The following KIAA1958 variants were observed in gnomAD, a reference collection of about 807,000 sequenced individuals.
KIAA1958 encodes KIAA1958.
In KIAA1958, 14 loss-of-function variants were observed where a neutral mutation model predicts 47.2. The observed-to-expected ratio is 0.30, with a 90% CI of 0.20 to 0.46. The LOEUF is 0.46. KIAA1958 is among the 20% of genes least tolerant of loss of function. The probability of loss-of-function intolerance (pLI) is 1.00; values close to 1 mark genes in which losing one functional copy is unlikely to be tolerated. For synonymous variants in KIAA1958, 354 were observed against 353.3 expected, an observed-to-expected ratio of 1.00 and a Z score of -0.02; for missense variants, 803 against 909.2, an observed-to-expected ratio of 0.88 and a Z score of 1.50.
chr9:112,541,729 CG>C (rs1338621600), intron 1 of KIAA1958, among the ~76,000 whole-genome samples: 2 of 152,012 alleles, frequency 1.3e-5, no homozygotes, highest in Non-Finnish European at 2.9e-5. Flanking sequence ...TGCTTGAACC[CG>C]GGAGGCAGAG....
Position 112,618,860 on chromosome 9 carries a change from A to G in KIAA1958, c.1172-26790A>G, listed in dbSNP as rs1275370359. 1 of 1,549,240 alleles carries G rather than the reference A, an allele frequency of 6.5e-7. No homozygotes were observed. Among genetic ancestry groups the G allele is most frequent in the Non-Finnish European group, 8.7e-7 (1 of 1,145,910 alleles). On this transcript the variant is annotated intron_variant, in intron 2 of 3. Coordinates refer to ENST00000337530, the MANE Select transcript of KIAA1958 (RefSeq NM_133465.4). The surrounding 1 kb of genome is among the most constrained non-coding windows in gnomAD (Gnocchi z 7.1). ...TGCCCAGTCAGTGGCCGGCCACTCCAACAATGGCAATTTCATCGTCTCCGC... is the reference window on the plus strand; with the variant it reads ...TGCCCAGTCAGTGGCCGGCCACTCCGACAATGGCAATTTCATCGTCTCCGC...
At chr9:112,591,152 C>T (rs190283837) in intron 2 of KIAA1958, among the ~76,000 whole-genome samples, 23 of 152,222 alleles carry the variant, frequency 1.5e-4, no homozygotes, top group African/African-American at 5.3e-4. Context: ...GGTGCCACCT[C>T]GGCTCACTGC....
chr9:112,613,158 C>G (rs1207409704), intron 2 of KIAA1958, among the ~76,000 whole-genome samples: 2 of 152,142 alleles, frequency 1.3e-5, no homozygotes, highest in African/African-American at 4.8e-5. Context: ...GAGCAGGTGC[C>G]TTACTTTTAC....
At position 112,574,509 on chromosome 9, in the gene KIAA1958, C is replaced by G. The variant is rs780863034; in HGVS notation, c.429C>G (p.Thr143=). ...TTGAAGAATATGAAGATGAGAACAC[C>G]CTGTTTGACATGGTTTGTGAGTCTT... ...ETVEEYEDEN[T]LFDMVCESSV... Residue 143 remains threonine, a synonymous_variant, in exon 2 of 4, where the codon ACC becomes ACG. Coordinates refer to ENST00000337530, the MANE Select transcript of KIAA1958 (RefSeq NM_133465.4). The G allele has an allele frequency of 1.3e-5, 21 of 1,614,026 alleles. No homozygotes were observed. The highest frequency in any genetic ancestry group is 1.8e-5 in the Non-Finnish European group (21 of 1,180,000).
At chr9:112,491,683 A>G (rs1459030859) in intron 1 of KIAA1958, among the ~76,000 whole-genome samples, 1 of 152,020 alleles carries the variant, frequency 6.6e-6, no homozygotes, top group Admixed American at 6.6e-5. Context: ...CAAGGATTTC[A>G]TTAGCTGAAC....
rs1035640297 is a variant in KIAA1958 at position 112,663,350 on chromosome 9, G to A, written c.*3281G>A. ...GTGTGATTCAATTGAATATAGTTTA[G>A]TGCGGTACCAGGCACATCATAAGCA... On this transcript the variant is annotated 3_prime_UTR_variant, in exon 4 of 4. Coordinates refer to ENST00000337530, the MANE Select transcript of KIAA1958 (RefSeq NM_133465.4). 1 of 152,106 alleles carries A rather than the reference G, an allele frequency of 6.6e-6. No individual in the cohort carries two copies. Among genetic ancestry groups the A allele is most frequent in the Non-Finnish European group, 1.5e-5 (1 of 68,030 alleles). The allele number at this position is 152,106 out of a possible 1,614,324, so 9.4% of individuals were successfully genotyped here. A position where few individuals can be genotyped will look rare whatever the true frequency, so the allele number is the denominator to read the frequency against.
At chr9:112,552,145 G>A (rs925528418) in intron 1 of KIAA1958, among the ~76,000 whole-genome samples, 1 of 152,158 alleles carries the variant, frequency 6.6e-6, no homozygotes, top group South Asian at 2.1e-4. Flanking sequence ...TCTGGACCAC[G>A]AGGATCCCTG....
intron 2 of KIAA1958, among the ~76,000 whole-genome samples, chr9:112,633,137 G>A (rs1033400709): frequency 6.7e-6 from 1 of 150,004 alleles, no homozygotes; most frequent in Non-Finnish European, 1.5e-5. Context: ...TGATCTATTT[G>A]TCTATTTCTT....
intron 1 of KIAA1958, among the ~76,000 whole-genome samples, chr9:112,559,148 A>G (rs760668843): frequency 1.3e-5 from 2 of 152,194 alleles, no homozygotes; most frequent in Admixed American, 1.3e-4. Flanking sequence ...CTACGTAGAC[A>G]TGTGAAGGAT....
chr9:112,618,188 G>A lies in KIAA1958; in HGVS notation c.1172-27462G>A. On this transcript the variant is annotated intron_variant, in intron 2 of 3. Coordinates refer to ENST00000337530, the MANE Select transcript of KIAA1958 (RefSeq NM_133465.4). The surrounding 1 kb of genome is among the most constrained non-coding windows in gnomAD (Gnocchi z 7.1). Reference sequence around the variant, plus strand: ...TAAGGAATTCAAGCGTTCCCAAGAGGCCCTGAAGCAGAAGCAAATTGAACT... The same window carrying A: ...TAAGGAATTCAAGCGTTCCCAAGAGACCCTGAAGCAGAAGCAAATTGAACT... The A allele has an allele frequency of 1.9e-6, 3 of 1,550,586 alleles. No homozygotes were observed. Among genetic ancestry groups the A allele is most frequent in the Non-Finnish European group, 8.7e-7 (1 of 1,147,004 alleles).
chr9:112,619,889 A>T (rs1836471390), intron 2 of KIAA1958, among the ~76,000 whole-genome samples: 2 of 152,196 alleles, frequency 1.3e-5, no homozygotes, highest in South Asian at 2.1e-4. Flanking sequence ...CAAAGTTCAT[A>T]TTCCCTGAAT....
chr9:112,571,804 TAAATAAAAACAAA>T (rs1000555685), intron 1 of KIAA1958, among the ~76,000 whole-genome samples: 2 of 125,078 alleles, frequency 1.6e-5, no homozygotes, highest in Non-Finnish European at 3.5e-5. Context: ...AATAAATAAA[TAAATAAAAACAAA>T]AAATAAAAAT....
At chr9:112,519,872 G>T (rs554309671) in intron 1 of KIAA1958, among the ~76,000 whole-genome samples, 8 of 152,224 alleles carry the variant, frequency 5.3e-5, no homozygotes, top group African/African-American at 1.9e-4. Context: ...TGTAATTGTT[G>T]TATTATTATA....
chr9:112,542,328 A>G (rs1220723403), intron 1 of KIAA1958, among the ~76,000 whole-genome samples: 2 of 152,330 alleles, frequency 1.3e-5, no homozygotes, highest in East Asian at 3.9e-4. Context: ...GAATATATTC[A>G]TGTTCATTAA....
rs78128242 is a variant in KIAA1958 at position 112,550,066 on chromosome 9, A to G, written c.-24-23991A>G. Among the ~76,000 whole-genome samples, 789 of 150,992 alleles carry G rather than the reference A, an allele frequency of 5.2e-3. 15 individuals carry two copies. The highest frequency in any genetic ancestry group is 0.018 in the African/African-American group (710 of 40,352). The stretch of plus-strand genomic sequence containing the variant: ...CTGAGTTTAATGTGGCTGGAGCTCA[A>G]TGTTTGAATGGGAAGGAATTAGGCT... On this transcript the variant is annotated intron_variant, in intron 1 of 3. Coordinates refer to ENST00000337530, the MANE Select transcript of KIAA1958 (RefSeq NM_133465.4).
intron 2 of KIAA1958, among the ~76,000 whole-genome samples, chr9:112,638,826 TTTGA>T (rs796333741): frequency 9.8e-5 from 15 of 152,324 alleles, no homozygotes; most frequent in African/African-American, 3.4e-4. Context: ...TCTGCCTCAA[TTTGA>T]TTGTTTTCTA....
chr9:112,552,457 T>C (rs1835167411), intron 1 of KIAA1958, among the ~76,000 whole-genome samples: 1 of 152,182 alleles, frequency 6.6e-6, no homozygotes, highest in Non-Finnish European at 1.5e-5. Flanking sequence ...AAAAGTAGAC[T>C]GCCAGCCTGT....
Position 112,663,579 on chromosome 9 carries a change from C to T in KIAA1958, c.*3510C>T, listed in dbSNP as rs190249052. The T allele has an allele frequency of 6.6e-6, 1 of 152,244 alleles. No homozygotes were observed. Among genetic ancestry groups the T allele is most frequent in the African/African-American group, 2.4e-5 (1 of 41,536 alleles). 9.4% of individuals were successfully genotyped at this position (152,244 alleles called of 1,614,324 possible). On this transcript the variant is annotated 3_prime_UTR_variant, in exon 4 of 4. Coordinates refer to ENST00000337530, the MANE Select transcript of KIAA1958 (RefSeq NM_133465.4). ...ATTCTACCTCCAACACAGCCAAGCT[C>T]TGATACCTCAGATATAAGCAAAAAC...
intron 1 of KIAA1958, among the ~76,000 whole-genome samples, chr9:112,492,143 CAA>C (rs1363075647): frequency 3.9e-5 from 6 of 152,122 alleles, no homozygotes; most frequent in Admixed American, 3.3e-4. Flanking sequence ...GCTGCCATAA[CAA>C]AGAATCACAG....
Sources: allele counts gnomAD v4.1 joint callset (sites outside exome capture counted in the v4.1 genomes callset), GRCh38; gene constraint gnomAD v4.1.1; non-coding constraint Gnocchi (gnomAD v3.1); transcripts MANE v1.5; gene names NCBI Gene and HGNC (gene_info 2026-07-23, HGNC 2026-07-21).